Variants in PLCG2 observed in about 807,000 individuals in gnomAD.
The protein encoded by PLCG2 is phospholipase C gamma 2, also known as 1-phosphatidylinositol 4,5-bisphosphate phosphodiesterase gamma-2.
A neutral mutation model predicts 175.6 loss-of-function variants in PLCG2; 69 were observed. The observed-to-expected ratio is 0.39, with a 90% CI of 0.32 to 0.48. The LOEUF is 0.48. Ranked by LOEUF, PLCG2 falls within the 20% of genes least tolerant of loss-of-function variation. PLCG2 has a pLI of 0.91. For synonymous variants in PLCG2, 827 were observed against 624.0 expected (o/e 1.33, Z -4.85); for missense variants, 1,798 against 1,650.9 (o/e 1.09, Z -1.54).
intron 8 of PLCG2, among the ~76,000 whole-genome samples, chr16:81,882,619 C>G (rs749594056): frequency 6.6e-5 from 10 of 152,150 alleles, no homozygotes; most frequent in Non-Finnish European, 1.3e-4. Context: ...TCCCTCTGGC[C>G]TGCGTTCCCT....
At chr16:81,916,218 T>C (rs186893446) in intron 19 of PLCG2, among the ~76,000 whole-genome samples, 1 of 152,190 alleles carries the variant, frequency 6.6e-6, no homozygotes, top group East Asian at 1.9e-4. Context: ...GCATTTTGTT[T>C]TTACAGGACT....
At chr16:81,769,676 C>T (rs1367392792) in intron 2 of PLCG2, among the ~76,000 whole-genome samples, 6 of 151,810 alleles carry the variant, frequency 4.0e-5, no homozygotes, top group Non-Finnish European at 5.9e-5. Flanking sequence ...AAAAATTAGC[C>T]GGGCGTAGTG....
chr16:81,951,116 A>G (rs542503459), intron 31 of PLCG2, among the ~76,000 whole-genome samples: 18 of 152,142 alleles, frequency 1.2e-4, no homozygotes, highest in Non-Finnish European at 2.5e-4. Context: ...CTGGGACTAC[A>G]GGCATATGCC....
Position 81,883,294 on chromosome 16 carries a change from G to A in PLCG2, c.718G>A (p.Ala240Thr). ...GAACACTGACAGGCCGGATGCCTCT[G>A]CTGTTTACCTGCATGACTTCCAGAG... The part of the protein sequence containing the change: ...LGNTDRPDAS[A>T]VYLHDFQRFL... The change falls in exon 9 of 33, where the codon GCT becomes ACT. Residue 240 changes from alanine to threonine, a missense_variant. By Grantham distance (58) the Ala-to-Thr change is moderately conservative (BLOSUM62 0). Transcript: ENST00000564138. 6.2e-7 allele frequency: 1 copy of A among 1,614,146 alleles called. No individual in the cohort carries two copies.
At chr16:81,848,880 G>A (rs1906258130) in intron 2 of PLCG2, among the ~76,000 whole-genome samples, 1 of 152,194 alleles carries the variant, frequency 6.6e-6, no homozygotes, top group South Asian at 2.1e-4. Context: ...GAGGTGCTTG[G>A]TATAGATCAT....
rs143195637 is a variant in PLCG2, at chr16:81,919,523, C to T, written c.2094C>T (p.Asp698=). The change falls in exon 20 of 33, where the codon GAC becomes GAT. Residue 698 remains aspartate, a synonymous_variant. Transcript: ENST00000564138. ...TAAAGCATTGTCGCATCAACCGGGA[C>T]GGCCGGCACTTTGTGCTGGGGACCT... ...GKVKHCRINR[D]GRHFVLGTSA... is the part of the protein sequence containing the mutation. 8.7e-4 allele frequency: 1,398 copies of T among 1,614,116 alleles called. 13 individuals are homozygous for T. The African/African-American group carries it at 0.016, about 18-fold the overall frequency.
At chr16:81,841,537 G>A (rs963606581) in intron 2 of PLCG2, among the ~76,000 whole-genome samples, 2 of 152,046 alleles carry the variant, frequency 1.3e-5, no homozygotes, top group African/African-American at 2.4e-5. Flanking sequence ...CACTGCGCCC[G>A]GCTGTAAACT....
At chr16:81,791,835 G>C (rs1217196955) in intron 2 of PLCG2, among the ~76,000 whole-genome samples, 3 of 152,180 alleles carry the variant, frequency 2.0e-5, no homozygotes, top group Non-Finnish European at 2.9e-5. Context: ...AAAGTGCTGG[G>C]ATTACAGGCA....
chr16:81,805,767 G>GTTTTTTTGTTTTTTTTTTTTTTTTTT (rs1911983342), intron 2 of PLCG2, among the ~76,000 whole-genome samples: 1 of 39,520 alleles, frequency 2.5e-5, no homozygotes, highest in African/African-American at 1.2e-4. Context: ...GTTTTGTTTT[G>GTTTTTTTGTTTTTTTTTTTTTTTTTT]TTTTTTTTTT....
chr16:81,810,800 G>A (rs1323501040), intron 2 of PLCG2, among the ~76,000 whole-genome samples: 3 of 152,182 alleles, frequency 2.0e-5, no homozygotes, highest in Admixed American at 1.3e-4. Flanking sequence ...CTGATAGAAG[G>A]AGACAGGGTC....
rs8062052 is a variant in PLCG2 at position 81,879,063 on chromosome 16, C to T, written c.649-1847C>T. Among the ~76,000 whole-genome samples the T allele has an allele frequency of 7.7e-3, 1,176 of 152,130 alleles. 15 individuals are homozygous for T. Among genetic ancestry groups the T allele is most frequent in the African/African-American group, 0.027 (1,136 of 41,498 alleles). On this transcript the variant is annotated intron_variant, in intron 7 of 32. Transcript: ENST00000564138. ...ACCATGGTGGTACCTCTGCCATTGT[C>T]CGAGCTCCCTGAGTGGGGGAATGCG...
chr16:81,866,130 AG>A (rs1251607466), intron 5 of PLCG2, among the ~76,000 whole-genome samples: 14 of 115,708 alleles, frequency 1.2e-4, no homozygotes, highest in African/African-American at 4.0e-4. Context: ...CCTTGCTCCC[AG>A]GGTGAGCTCC....
chr16:81,924,973 C>T (rs1910203963), intron 22 of PLCG2, among the ~76,000 whole-genome samples: 1 of 152,268 alleles, frequency 6.6e-6, no homozygotes, highest in Non-Finnish European at 1.5e-5. Flanking sequence ...CCTCACTGGG[C>T]TCCTGTCCCT....
intron 25 of PLCG2, among the ~76,000 whole-genome samples, chr16:81,933,083 C>T (rs1222043218): frequency 6.6e-6 from 1 of 152,254 alleles, no homozygotes; most frequent in African/African-American, 2.4e-5. Flanking sequence ...CCTCACACCT[C>T]CTCTCCTGCC....
Position 81,786,102 on chromosome 16 carries a change from C to T in PLCG2, c.113C>T (p.Pro38Leu). 1 of 1,614,198 alleles carries T rather than the reference C, an allele frequency of 6.2e-7. No individual in the cohort carries two copies. The highest frequency in any genetic ancestry group is 8.5e-7 in the Non-Finnish European group (1 of 1,180,044). The change falls in exon 2 of 33, where the codon CCC becomes CTC. Residue 38 changes from proline to leucine, a missense_variant. Physicochemically the swap from Pro to Leu is moderately conservative, Grantham distance 98. Coordinates refer to ENST00000564138, the MANE Select transcript of PLCG2 (RefSeq NM_002661.5). ...GTGTTCAGCTTCCGCAAGTCCACCCCCGAGCGGAGAACCGTCCAGGTGATC... is the reference window on the plus strand; with the variant it reads ...GTGTTCAGCTTCCGCAAGTCCACCCTCGAGCGGAGAACCGTCCAGGTGATC... ...MTVFSFRKST[P>L]ERRTVQVIME...
chr16:81,809,111 A>C lies in PLCG2; in HGVS notation c.193+22929A>C, dbSNP rs557014725. On this transcript the variant is annotated intron_variant, in intron 2 of 32. Transcript: ENST00000564138. The stretch of plus-strand genomic sequence containing the variant: ...TAAGCCAGGCCTGGTCTCTCTGAGC[A>C]TGGTGACTTGGACTTGTTGCTTTTG... 3.3e-5 allele frequency among the ~76,000 whole-genome samples: 5 copies of C among 152,306 alleles called. No homozygotes were observed. The East Asian group carries it at 7.7e-4, about 23-fold the overall frequency.
intron 2 of PLCG2, among the ~76,000 whole-genome samples, chr16:81,834,762 G>C (rs980612448): frequency 1.3e-5 from 2 of 152,318 alleles, no homozygotes; most frequent in Admixed American, 1.3e-4. Context: ...GGGCTCCCAG[G>C]ACGAGGACAA....
At chr16:81,843,039 G>C (rs915076784) in intron 2 of PLCG2, among the ~76,000 whole-genome samples, 23 of 151,640 alleles carry the variant, frequency 1.5e-4, no homozygotes, top group African/African-American at 4.1e-4. Flanking sequence ...TGCTGGGAAG[G>C]GGGTGGGGTT....
chr16:81,948,835 A>G (rs536783909), intron 31 of PLCG2, among the ~76,000 whole-genome samples: 1 of 152,310 alleles, frequency 6.6e-6, no homozygotes, highest in East Asian at 1.9e-4. Context: ...ACACAAAACC[A>G]TGAGCATGCA....
Sources: gnomAD v4.1 joint callset for allele counts (sites outside exome capture counted in the v4.1 genomes callset) on GRCh38, gnomAD v4.1.1 for gene constraint, MANE v1.5 for transcripts, NCBI Gene and HGNC (gene_info 2026-07-23, HGNC 2026-07-21) for gene names.